The following JAK1 variants were observed in gnomAD, a reference collection of about 807,000 sequenced individuals.
JAK1 encodes tyrosine-protein kinase JAK1.
JAK1 carries 16 observed loss-of-function variants against 136.6 expected under a neutral mutation model. The ratio of observed to expected loss-of-function variants is 0.12; its 90% CI spans 0.08 to 0.18. JAK1 has a LOEUF of 0.18. Ranked by LOEUF, JAK1 falls within the 10% of genes least tolerant of loss-of-function variation. JAK1 has a pLI of 1.00. For missense variants in JAK1, 859 were observed against 1,450.1 expected (o/e 0.59, Z 6.62); for synonymous variants, 492 against 519.5 (o/e 0.95, Z 0.72).
intron 1 of JAK1, among the ~76,000 whole-genome samples, chr1:64,963,747 T>C (rs754542417): frequency 3.9e-5 from 6 of 152,124 alleles, no homozygotes; most frequent in Non-Finnish European, 7.4e-5. Context: ...TGCCCTGAAG[T>C]GAAAAAATTT....
At chr1:65,059,822 C>T (rs971627145) in intron 1 of JAK1, among the ~76,000 whole-genome samples, 1 of 152,062 alleles carries the variant, frequency 6.6e-6, no homozygotes, top group African/African-American at 2.4e-5. Context: ...TGCTCAATTT[C>T]AAAGACTCAT....
At chr1:65,034,070 T>C (rs530221408) in intron 2 of JAK1, among the ~76,000 whole-genome samples, 3 of 152,120 alleles carry the variant, frequency 2.0e-5, no homozygotes, top group Non-Finnish European at 4.4e-5. Flanking sequence ...AGAGAATAAG[T>C]AGGATTTTAC....
chr1:64,937,196 T>C (rs962855214), intron 1 of JAK1, among the ~76,000 whole-genome samples: 3 of 152,192 alleles, frequency 2.0e-5, no homozygotes, highest in African/African-American at 7.2e-5. Context: ...TTGACAACTC[T>C]AGCTTCAGGG....
intron 2 of JAK1, chr1:64,973,187 AAAAGAAAGAAAGAAAGGAAAAG>A (rs1223814777): frequency 2.0e-5 from 3 of 147,174 alleles, no homozygotes; most frequent in African/African-American, 7.7e-5. Context: ...GAAAGAAAGA[AAAAGAAAGAAAGAAAGGAAAAG>A]AAAGAAAGAA....
intron 8 of JAK1, among the ~76,000 whole-genome samples, chr1:64,861,242 C>T (rs778420620): frequency 3.9e-5 from 6 of 152,094 alleles, no homozygotes; most frequent in Non-Finnish European, 7.4e-5. Context: ...GTGAAACTCC[C>T]GGATTTTAAT....
At chr1:64,935,807 A>G (rs1163391694) in intron 1 of JAK1, among the ~76,000 whole-genome samples, 1 of 152,208 alleles carries the variant, frequency 6.6e-6, no homozygotes, top group Non-Finnish European at 1.5e-5. Context: ...AAGTCCCTGG[A>G]GAGCCACCAT....
At chr1:64,880,871 T>TG (rs1644760413) in intron 3 of JAK1, among the ~76,000 whole-genome samples, 1 of 152,008 alleles carries the variant, frequency 6.6e-6, no homozygotes. Flanking sequence ...CGCTTGAACC[T>TG]GGGAGGTGGA....
At position 64,891,201 on chromosome 1, in the gene JAK1, G is replaced by A. The variant is rs555856195; in HGVS notation, c.-77-4860C>T. ...ATCTTGAGCCTGGAGTTAGGCACTC[G>A]CACTTAATTCTCATAAAAAGCATGA... On this transcript the variant is annotated intron_variant, in intron 1 of 24. Transcript: ENST00000342505. 2.0e-5 allele frequency among the ~76,000 whole-genome samples: 3 copies of A among 152,106 alleles called. No homozygotes were observed. In the South Asian group the frequency reaches 6.2e-4, roughly 32 times the overall value.
chr1:64,954,742 ACAC>A (rs1646151767), intron 1 of JAK1, among the ~76,000 whole-genome samples: 1 of 152,266 alleles, frequency 6.6e-6, no homozygotes, highest in Non-Finnish European at 1.5e-5. Flanking sequence ...GAAGGATTTA[ACAC>A]ATGTGACAAG....
intron 1 of JAK1, among the ~76,000 whole-genome samples, chr1:64,916,460 G>C (rs1645397518): frequency 6.6e-6 from 1 of 152,132 alleles, no homozygotes; most frequent in South Asian, 2.1e-4. Context: ...TGTCAAAACA[G>C]CCAAAGGAAC....
At chr1:64,977,974 G>A (rs1646511975) in intron 2 of JAK1, among the ~76,000 whole-genome samples, 2 of 151,808 alleles carry the variant, frequency 1.3e-5, no homozygotes, top group African/African-American at 2.4e-5. Context: ...GGTAGTTAAT[G>A]TCAGTAGTTA....
At chr1:65,049,481 C>T (rs188472093) in intron 1 of JAK1, among the ~76,000 whole-genome samples, 1 of 152,226 alleles carries the variant, frequency 6.6e-6, no homozygotes, top group Admixed American at 6.5e-5. Flanking sequence ...TACACAAAAA[C>T]TCACTTCTTC....
At chr1:64,998,641 G>A (rs1646725545) in intron 2 of JAK1, among the ~76,000 whole-genome samples, 1 of 152,160 alleles carries the variant, frequency 6.6e-6, no homozygotes, top group Admixed American at 6.5e-5. Context: ...TGTCATGGGA[G>A]GAACCCAGTG....
chr1:64,834,530 A>G lies in JAK1; in HGVS notation c.*32T>C. ...ATTTGTTGCAGGAGAAGGACTTGATAATCTGTGGAATTTAAATGTTATTCA... is the reference window on the plus strand; with the variant it reads ...ATTTGTTGCAGGAGAAGGACTTGATGATCTGTGGAATTTAAATGTTATTCA... On this transcript the variant is annotated 3_prime_UTR_variant, in exon 25 of 25. Coordinates refer to ENST00000342505, the MANE Select transcript of JAK1 (RefSeq NM_002227.4). 1 of 1,382,134 alleles carries G rather than the reference A, an allele frequency of 7.2e-7. No individual in the cohort carries two copies. The allele number at this position is 1,382,134 out of a possible 1,614,324, so 85.6% of individuals were successfully genotyped here.
At chr1:64,968,337 GCAGT>G (rs1646417221), upstream of JAK1, among the ~76,000 whole-genome samples, 1 of 152,120 alleles carries the variant, frequency 6.6e-6, no homozygotes, top group Non-Finnish European at 1.5e-5. Flanking sequence ...AATGCTCAAT[GCAGT>G]CAGAGAGACA....
At chr1:64,989,139 A>G (rs1240722263) in intron 2 of JAK1, among the ~76,000 whole-genome samples, 4 of 149,024 alleles carry the variant, frequency 2.7e-5, no homozygotes, top group African/African-American at 9.8e-5. Context: ...AGCCTGGCCA[A>G]CATGGTCAAA....
At chr1:64,905,639 T>C (rs1645178494) in intron 1 of JAK1, among the ~76,000 whole-genome samples, 1 of 152,198 alleles carries the variant, frequency 6.6e-6, no homozygotes, top group African/African-American at 2.4e-5. Context: ...CTCTGCCATA[T>C]AACAAATTTG....
intron 1 of JAK1, among the ~76,000 whole-genome samples, chr1:64,951,652 T>A (rs1237641694): frequency 1.5e-4 from 2 of 13,724 alleles, no homozygotes; most frequent in African/African-American, 3.1e-4. Context: ...GTTCTGCCTT[T>A]TTTTTTTTTT....
intron 5 of JAK1, among the ~76,000 whole-genome samples, chr1:64,869,969 C>T (rs1656973696): frequency 6.6e-6 from 1 of 152,150 alleles, no homozygotes; most frequent in South Asian, 2.1e-4. Flanking sequence ...GTACATTTTC[C>T]CACATCTACC....
Sources: gnomAD v4.1 joint callset for allele counts (sites outside exome capture counted in the v4.1 genomes callset) on GRCh38, gnomAD v4.1.1 for gene constraint, MANE v1.5 for transcripts, NCBI Gene and HGNC (gene_info 2026-07-23, HGNC 2026-07-21) for gene names.